The following SEMA6D variants were observed in gnomAD, a reference collection of about 807,000 sequenced individuals.
SEMA6D encodes the protein semaphorin 6D.
A neutral mutation model predicts 106.6 loss-of-function variants in SEMA6D; 35 were observed. The ratio of observed to expected loss-of-function variants is 0.33; its 90% CI spans 0.25 to 0.44. SEMA6D has a LOEUF of 0.44. SEMA6D is among the 20% of genes least tolerant of loss of function. The pLI, the probability that SEMA6D is intolerant of heterozygous loss-of-function variation, is 1.00. For missense variants in SEMA6D, 1,185 were observed against 1,345.9 expected, an observed-to-expected ratio of 0.88 and a Z score of 1.87; for synonymous variants, 499 against 487.7, an observed-to-expected ratio of 1.02 and a Z score of -0.31.
At chr15:47,711,491 A>C (rs1382060089) in intron 4 of SEMA6D, among the ~76,000 whole-genome samples, 1 of 151,904 alleles carries the variant, frequency 6.6e-6, no homozygotes, top group East Asian at 1.9e-4. Flanking sequence ...ACATAAATGA[A>C]CCCCCCGTAA....
At chr15:47,312,358 T>C (rs2036485329) in intron 1 of SEMA6D, among the ~76,000 whole-genome samples, 1 of 152,230 alleles carries the variant, frequency 6.6e-6, no homozygotes, top group African/African-American at 2.4e-5. Flanking sequence ...TTGAGCATAA[T>C]CTTTCCTTAT....
At chr15:47,217,663 A>G (rs910535969) in intron 1 of SEMA6D, among the ~76,000 whole-genome samples, 1 of 151,804 alleles carries the variant, frequency 6.6e-6, no homozygotes, top group East Asian at 1.9e-4. Context: ...AATTATAGGC[A>G]GTGTGAGATG....
At chr15:47,243,401 T>C (rs1260721417) in intron 1 of SEMA6D, among the ~76,000 whole-genome samples, 1 of 151,186 alleles carries the variant, frequency 6.6e-6, no homozygotes, top group African/African-American at 2.4e-5. Context: ...TTTGACTATG[T>C]TTTTCATAAT....
At chr15:47,489,535 T>C (rs976609823) in intron 3 of SEMA6D, among the ~76,000 whole-genome samples, 20 of 152,196 alleles carry the variant, frequency 1.3e-4, no homozygotes, top group Admixed American at 2.0e-4. Context: ...CCTATGCGTT[T>C]GTCAGCTGTG....
chr15:47,768,490 A>G, intron 17 of SEMA6D, 91 bp from the exon 18 acceptor site: 1 of 1,127,768 alleles, frequency 8.9e-7, no homozygotes, highest in African/African-American at 1.6e-5. Context: ...TTCTCATAAA[A>G]TTTACTCAAA....
At chr15:47,633,756 T>G (rs2077332035) in intron 4 of SEMA6D, among the ~76,000 whole-genome samples, 1 of 152,192 alleles carries the variant, frequency 6.6e-6, no homozygotes. Flanking sequence ...CATCTGAAGA[T>G]ACAAACGATA....
intron 3 of SEMA6D, among the ~76,000 whole-genome samples, chr15:47,513,853 G>GTTT (rs2044306596): frequency 6.6e-6 from 1 of 152,222 alleles, no homozygotes; most frequent in East Asian, 1.9e-4. Context: ...TTGTAATGCA[G>GTTT]ATTGTTGAAT....
At chr15:47,256,023 T>G (rs1400437574) in intron 1 of SEMA6D, among the ~76,000 whole-genome samples, 1 of 152,168 alleles carries the variant, frequency 6.6e-6, no homozygotes, top group East Asian at 1.9e-4. Flanking sequence ...TAGGTCTATT[T>G]CTGAGTTTCT....
chr15:47,420,487 C>G (rs144635342), intron 2 of SEMA6D, among the ~76,000 whole-genome samples: 3 of 151,978 alleles, frequency 2.0e-5, no homozygotes, highest in East Asian at 1.9e-4. Context: ...GCCTTCTCCC[C>G]CTCTGTGCAT....
intron 1 of SEMA6D, among the ~76,000 whole-genome samples, chr15:47,755,486 T>C (rs2081666773): frequency 6.6e-6 from 1 of 152,216 alleles, no homozygotes. Flanking sequence ...TGTATGTAAA[T>C]AATTGTAGTC....
chr15:47,397,385 A>G (rs751717245), intron 1 of SEMA6D: 2 of 152,236 alleles, frequency 1.3e-5, no homozygotes, highest in Non-Finnish European at 2.9e-5. Context: ...TGCAGGCCTT[A>G]TGAGGGCAGA....
chr15:47,411,953 C>T (rs938689137), intron 1 of SEMA6D, among the ~76,000 whole-genome samples: 3 of 152,086 alleles, frequency 2.0e-5, no homozygotes, highest in East Asian at 1.9e-4. Flanking sequence ...AAGCAGTTGC[C>T]CTCAACTACC....
chr15:47,683,131 G>A (rs887825291), intron 4 of SEMA6D, among the ~76,000 whole-genome samples: 17 of 152,118 alleles, frequency 1.1e-4, no homozygotes, highest in Admixed American at 3.9e-4. Flanking sequence ...ATAATTGTGA[G>A]GTTTGGGCTT....
At chr15:47,247,437 A>T (rs1438947279) in intron 1 of SEMA6D, among the ~76,000 whole-genome samples, 1 of 152,238 alleles carries the variant, frequency 6.6e-6, no homozygotes, top group Non-Finnish European at 1.5e-5. Flanking sequence ...AAGTGAAAAA[A>T]AAAACTGTCA....
In SEMA6D at chr15:47,336,662, G is replaced by A. The variant is rs1218291294; in HGVS notation, c.-238-75731G>A. 2.0e-5 allele frequency among the ~76,000 whole-genome samples: 3 copies of A among 152,162 alleles called. No homozygotes were observed. The South Asian group carries it at 6.2e-4, about 32-fold the overall frequency. On this transcript the variant is annotated intron_variant, in intron 1 of 19. Transcript: ENST00000558014. Reference sequence around the variant, plus strand: ...GTCCAGAAGTGTTTTGTAATACAATGGAAATGGTTTATACAGGAGTGTGCT... The same window carrying A: ...GTCCAGAAGTGTTTTGTAATACAATAGAAATGGTTTATACAGGAGTGTGCT...
intron 1 of SEMA6D, among the ~76,000 whole-genome samples, chr15:47,338,674 G>A (rs2037675866): frequency 6.6e-6 from 1 of 152,128 alleles, no homozygotes; most frequent in Non-Finnish European, 1.5e-5. Context: ...TAGTAATGTG[G>A]CAGCATCTTT....
At chr15:47,578,508 T>C (rs746347624) in intron 3 of SEMA6D, among the ~76,000 whole-genome samples, 3 of 152,218 alleles carry the variant, frequency 2.0e-5, no homozygotes, top group Non-Finnish European at 4.4e-5. Context: ...AACTAATTGA[T>C]CTAACCAAAT....
upstream of SEMA6D, among the ~76,000 whole-genome samples, chr15:47,713,475 A>G (rs2079057453): frequency 6.6e-6 from 1 of 152,212 alleles, no homozygotes; most frequent in African/African-American, 2.4e-5. Flanking sequence ...GCCTATGCAG[A>G]TGCCGAGATT....
intron 1 of SEMA6D, among the ~76,000 whole-genome samples, chr15:47,271,250 A>G (rs2034550874): frequency 6.6e-6 from 1 of 152,218 alleles, no homozygotes; most frequent in Admixed American, 6.5e-5. Context: ...TTAATTAATG[A>G]GAAACATTTC....
Sources: allele counts gnomAD v4.1 joint callset (sites outside exome capture counted in the v4.1 genomes callset), GRCh38; gene constraint gnomAD v4.1.1; transcripts MANE v1.5; gene names NCBI Gene and HGNC (gene_info 2026-07-23, HGNC 2026-07-21).